The following SLC24A2 variants were observed in gnomAD, a reference collection of about 807,000 sequenced individuals.
SLC24A2 encodes the protein solute carrier family 24 member 2, also known as sodium/potassium/calcium exchanger 2.
Under a neutral mutation model 62.0 loss-of-function variants are expected in SLC24A2, and 36 were observed. The ratio of observed to expected loss-of-function variants is 0.58; its 90% CI spans 0.44 to 0.77. SLC24A2 has a LOEUF of 0.77. Among genes scored for constraint, SLC24A2 ranks in the 30% least tolerant of loss-of-function variants. SLC24A2 has a pLI of 0.00. For missense variants in SLC24A2, 846 were observed against 817.9 expected (o/e 1.03, Z -0.42); for synonymous variants, 358 against 294.0 (o/e 1.22, Z -2.23).
chr9:19,593,048 C>G lies in SLC24A2; in HGVS notation c.1129+4181G>C, dbSNP rs886359928. 2.6e-4 allele frequency among the ~76,000 whole-genome samples: 39 copies of G among 152,204 alleles called. 1 individual carries two copies. Among genetic ancestry groups the G allele is most frequent in the Admixed American group, 6.5e-5 (1 of 15,278 alleles). ...GCTCAGTTATTATTAAGTGAATGTGCTAGTACAGGTGGCAGGTAAGACAGG... is the reference window on the plus strand; with the variant it reads ...GCTCAGTTATTATTAAGTGAATGTGGTAGTACAGGTGGCAGGTAAGACAGG... On this transcript the variant is annotated intron_variant, in intron 5 of 10. Transcript: ENST00000341998.
the SLC24A2 span, among the ~76,000 whole-genome samples, chr9:20,300,595 A>G: frequency 1.3e-5 from 2 of 152,196 alleles, no homozygotes; most frequent in Admixed American, 6.5e-5. Flanking sequence ...AAGTTGGCCC[A>G]TAGATTTGAC....
chr9:20,109,489 T>A, the SLC24A2 span, among the ~76,000 whole-genome samples: 1 of 152,302 alleles, frequency 6.6e-6, no homozygotes, highest in East Asian at 1.9e-4. Flanking sequence ...AGCTTTAGTA[T>A]ATGCTAAGTA....
At chr9:19,787,119 G>T in intron 1 of SLC24A2, 100 bp from the exon 2 acceptor site, 1 of 615,462 alleles carries the variant, frequency 1.6e-6, no homozygotes. Flanking sequence ...GCAGCTGTGC[G>T]ATCTTGGGTA....
the SLC24A2 span, among the ~76,000 whole-genome samples, chr9:20,071,036 G>A: frequency 6.6e-6 from 1 of 152,114 alleles, no homozygotes; most frequent in African/African-American, 2.4e-5. Context: ...ATTTAAAAGT[G>A]TGTAACACCT....
At chr9:19,844,952 C>T in the SLC24A2 span, among the ~76,000 whole-genome samples, 1 of 88,434 alleles carries the variant, frequency 1.1e-5, no homozygotes, top group African/African-American at 3.7e-5. Flanking sequence ...TAATGTAATG[C>T]CTCTGGCTTT....
At chr9:19,582,582 G>A (rs1407200194) in intron 5 of SLC24A2, among the ~76,000 whole-genome samples, 2 of 152,166 alleles carry the variant, frequency 1.3e-5, no homozygotes, top group Non-Finnish European at 2.9e-5. Context: ...ATCTATTTTT[G>A]TGTTTTCGGT....
chr9:20,168,469 T>C, the SLC24A2 span, among the ~76,000 whole-genome samples: 18 of 151,936 alleles, frequency 1.2e-4, no homozygotes, highest in African/African-American at 4.3e-4. Context: ...ATCTGCTAAT[T>C]AATATCTAGA....
the SLC24A2 span, among the ~76,000 whole-genome samples, chr9:20,217,283 G>A: frequency 2.2e-4 from 34 of 152,274 alleles, no homozygotes; most frequent in African/African-American, 7.9e-4. Context: ...TATGCTGTTA[G>A]GATTCAGCTT....
chr9:19,711,490 TA>T (rs1005708989), intron 2 of SLC24A2, among the ~76,000 whole-genome samples: 2 of 152,156 alleles, frequency 1.3e-5, no homozygotes, highest in Non-Finnish European at 2.9e-5. Flanking sequence ...ACCAAAAGCT[TA>T]AAAAAATTAT....
At chr9:20,246,041 G>A in the SLC24A2 span, among the ~76,000 whole-genome samples, 1 of 152,180 alleles carries the variant, frequency 6.6e-6, no homozygotes, top group African/African-American at 2.4e-5. Context: ...CACAGAGAAG[G>A]AAACATGCTC....
the SLC24A2 span, among the ~76,000 whole-genome samples, chr9:20,288,442 G>A: frequency 6.6e-6 from 1 of 152,092 alleles, no homozygotes; most frequent in African/African-American, 2.4e-5. Flanking sequence ...TAGTGGGAGA[G>A]GAGGGAATGG....
At chr9:19,753,012 C>G (rs1822031457) in intron 2 of SLC24A2, among the ~76,000 whole-genome samples, 1 of 152,174 alleles carries the variant, frequency 6.6e-6, no homozygotes, top group Non-Finnish European at 1.5e-5. Context: ...GCCAGAATCT[C>G]TAAGGATTTC....
intron 8 of SLC24A2, among the ~76,000 whole-genome samples, chr9:19,536,357 C>T (rs1344301341): frequency 2.7e-5 from 3 of 112,514 alleles, no homozygotes; most frequent in Non-Finnish European, 5.2e-5. Context: ...CCCCCTCCCC[C>T]GACCCCACCA....
intron 2 of SLC24A2, among the ~76,000 whole-genome samples, chr9:19,750,505 T>C (rs1175270700): frequency 1.3e-5 from 2 of 152,104 alleles, no homozygotes; most frequent in Admixed American, 6.6e-5. Context: ...TTCCTTTTGA[T>C]ACTATGTCTC....
At chr9:19,519,828 T>TGG (rs1197943753) in intron 10 of SLC24A2, among the ~76,000 whole-genome samples, 4 of 152,132 alleles carry the variant, frequency 2.6e-5, no homozygotes, top group Admixed American at 6.5e-5. Flanking sequence ...AGCTCTTCAG[T>TGG]GGGGGCTCAC....
intron 9 of SLC24A2, among the ~76,000 whole-genome samples, chr9:19,525,391 CTTTTTT>C (rs572919824): frequency 3.9e-5 from 3 of 76,372 alleles, no homozygotes; most frequent in Middle Eastern, 0.012. Flanking sequence ...TATTTCTTTA[CTTTTTT>C]TTTTTTTTTT....
chr9:20,083,168 G>C, the SLC24A2 span, among the ~76,000 whole-genome samples: 1 of 152,186 alleles, frequency 6.6e-6, no homozygotes, highest in East Asian at 1.9e-4. Context: ...TGTGTGATTG[G>C]AGTACATATA....
chr9:19,692,304 T>A (rs1820067051), intron 2 of SLC24A2, among the ~76,000 whole-genome samples: 1 of 152,170 alleles, frequency 6.6e-6, no homozygotes, highest in African/African-American at 2.4e-5. Context: ...GGAACAGACT[T>A]TCAAAGACAG....
At chr9:19,801,050 TCCTTGCTCCCAGAGCTCCC>T in the SLC24A2 span, among the ~76,000 whole-genome samples, 1 of 152,078 alleles carries the variant, frequency 6.6e-6, no homozygotes, top group South Asian at 2.1e-4. Context: ...TACCAGGGGG[TCCTTGCTCCCAGAGCTCCC>T]AAGATGGTGG....
Sources: allele counts gnomAD v4.1 joint callset (sites outside exome capture counted in the v4.1 genomes callset), GRCh38; gene constraint gnomAD v4.1.1; transcripts MANE v1.5; gene names NCBI Gene and HGNC (gene_info 2026-07-23, HGNC 2026-07-21).